NBAS: variants seen among roughly 807,000 people sequenced by gnomAD.
The protein encoded by NBAS is NAG/BC035112 fusion.
Under a neutral mutation model 302.5 loss-of-function variants are expected in NBAS, and 219 were observed. The ratio of observed to expected loss-of-function variants is 0.72; its 90% confidence interval spans 0.65 to 0.81. NBAS has a LOEUF of 0.81. NBAS is among the 30% of genes least tolerant of loss of function. The pLI is 0.00. For missense variants in NBAS, 2,932 were observed against 2,841.6 expected (o/e 1.03, Z -0.72); for synonymous variants, 1,118 against 1,021.6 (o/e 1.09, Z -1.80).
intron 21 of NBAS, among the ~76,000 whole-genome samples, chr2:15,439,823 A>G (rs2160697): frequency 0.62 from 94,966 of 152,088 alleles, 30,414 homozygotes; most frequent in Middle Eastern, 0.68. Flanking sequence ...CTTTTCCAAC[A>G]GGCTTAAAAA....
the NBAS span, among the ~76,000 whole-genome samples, chr2:15,058,438 C>A: frequency 2.0e-5 from 3 of 152,196 alleles, no homozygotes; most frequent in Non-Finnish European, 4.4e-5. Context: ...GAAATATCCA[C>A]AAATAAAAGT....
chr2:15,267,493 C>A (rs1669132195), intron 44 of NBAS, among the ~76,000 whole-genome samples: 1 of 152,066 alleles, frequency 6.6e-6, no homozygotes, highest in Admixed American at 6.5e-5. Flanking sequence ...AGATTAGCAA[C>A]AACAATAACT....
At chr2:14,799,358 G>A in the NBAS span, among the ~76,000 whole-genome samples, 2 of 151,968 alleles carry the variant, frequency 1.3e-5, no homozygotes, top group Non-Finnish European at 2.9e-5. Flanking sequence ...AATATTCAAA[G>A]ATCTTCTAGT....
chr2:15,544,820 T>C (rs1055007123), intron 6 of NBAS, among the ~76,000 whole-genome samples: 24 of 152,062 alleles, frequency 1.6e-4, no homozygotes, highest in African/African-American at 5.6e-4. Context: ...GACCATCCTG[T>C]CCAAAATGGT....
chr2:14,782,549 G>C, the NBAS span, among the ~76,000 whole-genome samples: 1 of 152,116 alleles, frequency 6.6e-6, no homozygotes. Flanking sequence ...GCAGTGTGGT[G>C]ATTCCCCAAA....
rs142692703 is a variant in NBAS at position 15,384,126 on chromosome 2, T to C, written c.3258-809A>G. ...AGGCAATTTACCAATCAGGGATCTG[T>C]TTTATCTAAGTAGTGAGGCCTCTAT... On this transcript the variant is annotated intron_variant, in intron 28 of 51. Transcript: ENST00000281513. 1.9e-3 allele frequency among the ~76,000 whole-genome samples: 291 copies of C among 152,334 alleles called. 2 individuals are homozygous for C. Among genetic ancestry groups the C allele is most frequent in the African/African-American group, 6.5e-3 (271 of 41,578 alleles).
At chr2:14,811,866 G>C in the NBAS span, among the ~76,000 whole-genome samples, 1 of 152,162 alleles carries the variant, frequency 6.6e-6, no homozygotes, top group African/African-American at 2.4e-5. Flanking sequence ...TAGCTATAGT[G>C]GGTTAGGAAA....
chr2:14,994,475 G>A, the NBAS span, among the ~76,000 whole-genome samples: 1 of 152,190 alleles, frequency 6.6e-6, no homozygotes, highest in Non-Finnish European at 1.5e-5. Flanking sequence ...GCATGTGCCA[G>A]GGTGGGCTAT....
the NBAS span, among the ~76,000 whole-genome samples, chr2:15,143,961 C>T: frequency 6.7e-6 from 1 of 149,844 alleles, no homozygotes; most frequent in Non-Finnish European, 1.5e-5. Context: ...ACGGGCTCTC[C>T]TTGCTCCTCA....
intron 21 of NBAS, among the ~76,000 whole-genome samples, chr2:15,431,716 C>G (rs1382735784): frequency 6.6e-6 from 1 of 152,040 alleles, no homozygotes; most frequent in African/African-American, 2.4e-5. Flanking sequence ...AATCTACGGT[C>G]TGAGAGTGAG....
At chr2:15,218,235 A>G (rs1666741050) in intron 48 of NBAS, among the ~76,000 whole-genome samples, 1 of 152,198 alleles carries the variant, frequency 6.6e-6, no homozygotes, top group Non-Finnish European at 1.5e-5. Context: ...AAAATAATGT[A>G]CACGTGTTTT....
chr2:15,505,611 T>C (rs896646257), intron 10 of NBAS, among the ~76,000 whole-genome samples: 1 of 152,160 alleles, frequency 6.6e-6, no homozygotes, highest in African/African-American at 2.4e-5. Flanking sequence ...AACTTTGCTA[T>C]ACTGACAAAA....
At chr2:15,256,397 G>A (rs2148002108) in intron 44 of NBAS, among the ~76,000 whole-genome samples, 1 of 152,220 alleles carries the variant, frequency 6.6e-6, no homozygotes, top group African/African-American at 2.4e-5. Flanking sequence ...ACTGATTTGT[G>A]TACACTGAGA....
the NBAS span, among the ~76,000 whole-genome samples, chr2:15,104,534 C>T: frequency 6.6e-6 from 1 of 151,558 alleles, no homozygotes; most frequent in Admixed American, 6.6e-5. Context: ...GTGGATGTCA[C>T]AGCACAGAAA....
the NBAS span, among the ~76,000 whole-genome samples, chr2:15,110,432 T>G: frequency 6.6e-6 from 1 of 152,258 alleles, no homozygotes; most frequent in East Asian, 1.9e-4. Context: ...ATACACTGAT[T>G]GGGAGTAGCA....
At chr2:15,292,235 T>C (rs1670335895) in intron 41 of NBAS, among the ~76,000 whole-genome samples, 1 of 152,228 alleles carries the variant, frequency 6.6e-6, no homozygotes, top group Non-Finnish European at 1.5e-5. Context: ...TTGGGCCACC[T>C]TGGCCTCCCA....
the NBAS span, among the ~76,000 whole-genome samples, chr2:14,891,623 T>C: frequency 6.6e-6 from 1 of 152,180 alleles, no homozygotes; most frequent in African/African-American, 2.4e-5. Context: ...AATAAGGAAA[T>C]TGAGCATGAC....
At chr2:15,120,986 C>A in the NBAS span, among the ~76,000 whole-genome samples, 1 of 152,148 alleles carries the variant, frequency 6.6e-6, no homozygotes, top group African/African-American at 2.4e-5. Context: ...TTTTCTCCAC[C>A]TTTTATATTC....
intron 40 of NBAS, 22 bp downstream of exon 40, chr2:15,308,194 G>A (rs1386119187): frequency 6.2e-7 from 1 of 1,614,066 alleles, no homozygotes; most frequent in Non-Finnish European, 8.5e-7. Flanking sequence ...TCAATAATAA[G>A]CTGGAAATCA....
Sources: gnomAD v4.1 joint callset for allele counts (sites outside exome capture counted in the v4.1 genomes callset) on GRCh38, gnomAD v4.1.1 for gene constraint, MANE v1.5 for transcripts, NCBI Gene and HGNC (gene_info 2026-07-23, HGNC 2026-07-21) for gene names.